ZMAT4: variants seen among roughly 807,000 people sequenced by gnomAD.
The protein encoded by ZMAT4 is zinc finger matrin-type 4.
A neutral mutation model predicts 28.7 loss-of-function variants in ZMAT4; 17 were observed. That is an observed-to-expected ratio of 0.59 (90% confidence interval 0.41 to 0.89). The LOEUF (loss-of-function observed/expected upper bound fraction) is 0.89, where lower values mean the gene tolerates loss of function less well. Ranked by LOEUF, ZMAT4 falls within the 40% of genes least tolerant of loss-of-function variation. ZMAT4 has a pLI of 0.00. For missense variants in ZMAT4, 240 were observed against 283.8 expected (o/e 0.85, Z 1.11); for synonymous variants, 117 against 109.2 (o/e 1.07, Z -0.44).
At chr8:40,786,652 A>C (rs1415427307) in intron 2 of ZMAT4, 1 of 1,264,528 alleles carries the variant, frequency 7.9e-7, no homozygotes, top group South Asian at 1.3e-5. Flanking sequence ...TCCATTCATT[A>C]ACCATCCTCA....
intron 3 of ZMAT4, among the ~76,000 whole-genome samples, chr8:40,749,488 T>G (rs1306904057): frequency 6.6e-6 from 1 of 152,192 alleles, no homozygotes; most frequent in Non-Finnish European, 1.5e-5. Flanking sequence ...TGATGCTGAA[T>G]TAGTGGCATC....
chr8:40,656,876 G>T (rs1325260345), intron 5 of ZMAT4, among the ~76,000 whole-genome samples: 1 of 151,970 alleles, frequency 6.6e-6, no homozygotes, highest in East Asian at 1.9e-4. Flanking sequence ...GTTGCTTGGG[G>T]CTATGGTGAG....
At chr8:40,809,604 G>C (rs1164032845) in intron 2 of ZMAT4, among the ~76,000 whole-genome samples, 1 of 152,128 alleles carries the variant, frequency 6.6e-6, no homozygotes, top group East Asian at 1.9e-4. Flanking sequence ...ATAGTTTTAA[G>C]AATCAAATCA....
chr8:40,690,059 C>T (rs1338006856), intron 4 of ZMAT4, among the ~76,000 whole-genome samples: 1 of 152,124 alleles, frequency 6.6e-6, no homozygotes, highest in Non-Finnish European at 1.5e-5. Flanking sequence ...ACAAAAAACA[C>T]AGCAGTCTTA....
intron 4 of ZMAT4, among the ~76,000 whole-genome samples, chr8:40,686,935 T>A (rs1809435256): frequency 6.6e-6 from 1 of 151,970 alleles, no homozygotes; most frequent in Admixed American, 6.6e-5. Context: ...TGTTCTTTCC[T>A]CAATCCCACA....
chr8:40,731,281 T>C (rs1811529903), intron 3 of ZMAT4, among the ~76,000 whole-genome samples: 1 of 147,062 alleles, frequency 6.8e-6, no homozygotes, highest in Admixed American at 6.9e-5. Flanking sequence ...CCAAAGTAAC[T>C]GCATATGGGC....
intron 2 of ZMAT4, among the ~76,000 whole-genome samples, chr8:40,824,099 T>C (rs1248843371): frequency 6.6e-6 from 1 of 152,168 alleles, no homozygotes; most frequent in Admixed American, 6.5e-5. Flanking sequence ...ATTATAGTTA[T>C]TTTTATTGTG....
At chr8:40,855,765 TC>T (rs1356398566) in intron 1 of ZMAT4, among the ~76,000 whole-genome samples, 5 of 152,054 alleles carry the variant, frequency 3.3e-5, no homozygotes, top group African/African-American at 4.8e-5. Context: ...AGCCTCAACT[TC>T]CTGGGCTCAA....
chr8:40,614,382 T>C (rs1271530974), intron 5 of ZMAT4, among the ~76,000 whole-genome samples: 1 of 152,238 alleles, frequency 6.6e-6, no homozygotes, highest in Non-Finnish European at 1.5e-5. Flanking sequence ...TAAAAGCTTG[T>C]CAGAAGAATG....
At chr8:40,584,966 G>A (rs1310603570) in intron 5 of ZMAT4, among the ~76,000 whole-genome samples, 1 of 152,110 alleles carries the variant, frequency 6.6e-6, no homozygotes, top group East Asian at 1.9e-4. Context: ...CAAATCCAAT[G>A]AGTCCTGCTC....
intron 5 of ZMAT4, among the ~76,000 whole-genome samples, chr8:40,657,109 C>A (rs1046383800): frequency 1.3e-5 from 2 of 152,178 alleles, no homozygotes; most frequent in South Asian, 2.1e-4. Flanking sequence ...CGGCTCACTG[C>A]AACTTCTACC....
intron 1 of ZMAT4, among the ~76,000 whole-genome samples, chr8:40,881,447 GAAAGAA>G (rs1563263358): frequency 1.1e-4 from 13 of 115,610 alleles, no homozygotes; most frequent in African/African-American, 4.6e-4. Flanking sequence ...AAGAAAGAAA[GAAAGAA>G]AGAAAGAAAG....
At chr8:40,746,537 T>G (rs2150541210) in intron 3 of ZMAT4, among the ~76,000 whole-genome samples, 1 of 152,050 alleles carries the variant, frequency 6.6e-6, no homozygotes, top group Non-Finnish European at 1.5e-5. Context: ...TTAATTTTTG[T>G]ATTTTTAGTA....
chr8:40,546,386 G>C (rs1803203314), intron 6 of ZMAT4, among the ~76,000 whole-genome samples: 1 of 151,744 alleles, frequency 6.6e-6, no homozygotes, highest in African/African-American at 2.4e-5. Flanking sequence ...GCTCAACTCT[G>C]AATGTGACTG....
intron 5 of ZMAT4, among the ~76,000 whole-genome samples, chr8:40,615,927 A>G (rs1315041158): frequency 6.6e-6 from 1 of 152,128 alleles, no homozygotes; most frequent in Non-Finnish European, 1.5e-5. Flanking sequence ...AGCAAAAGAA[A>G]CTACCATCAG....
intron 5 of ZMAT4, among the ~76,000 whole-genome samples, chr8:40,620,680 G>A (rs1806165600): frequency 6.6e-6 from 1 of 152,160 alleles, no homozygotes; most frequent in South Asian, 2.1e-4. Flanking sequence ...TTAAGCTCTT[G>A]ATCAGGTCAT....
rs996108109 is a variant in ZMAT4 at position 40,581,356 on chromosome 8, G to A, written c.578-95C>T. Reference sequence around the variant, plus strand: ...CCAGAAGTTCAGGGACACAGTGTCGGAGATAACTCCTGATCTACCCCACCA... The same window carrying A: ...CCAGAAGTTCAGGGACACAGTGTCGAAGATAACTCCTGATCTACCCCACCA... On this transcript the variant is annotated intron_variant, in intron 5 of 6. Transcript: ENST00000297737. 34 of 1,022,024 alleles carry A rather than the reference G, an allele frequency of 3.3e-5. No individual in the cohort carries two copies. In the Middle Eastern group the frequency reaches 1.0e-3, roughly 31 times the overall value. 63.3% of individuals were successfully genotyped at this position (1,022,024 alleles called of 1,614,324 possible). A position where few individuals can be genotyped will look rare whatever the true frequency, so the allele number is the denominator to read the frequency against.
intron 6 of ZMAT4, among the ~76,000 whole-genome samples, chr8:40,556,636 A>G (rs1024438832): frequency 6.6e-6 from 1 of 152,182 alleles, no homozygotes; most frequent in Non-Finnish European, 1.5e-5. Flanking sequence ...TCCTTCTTAA[A>G]CCAACTTCCC....
At chr8:40,695,577 A>G (rs938151310) in intron 4 of ZMAT4, among the ~76,000 whole-genome samples, 1 of 152,188 alleles carries the variant, frequency 6.6e-6, no homozygotes, top group African/African-American at 2.4e-5. Flanking sequence ...AACAGCCAAG[A>G]CTAAGCCATT....
Sources: allele counts gnomAD v4.1 joint callset (sites outside exome capture counted in the v4.1 genomes callset), GRCh38; gene constraint gnomAD v4.1.1; transcripts MANE v1.5; gene names NCBI Gene and HGNC (gene_info 2026-07-23, HGNC 2026-07-21).